Variants in OCA2 observed in about 807,000 individuals in gnomAD.
OCA2 encodes OCA2 melanosomal transmembrane protein, also known as P protein.
In OCA2, 77 loss-of-function variants were observed where a neutral mutation model predicts 100.2. The ratio of observed to expected loss-of-function variants is 0.77; its 90% CI spans 0.64 to 0.93. The LOEUF (loss-of-function observed/expected upper bound fraction) is 0.93. OCA2 is among the 40% of genes least tolerant of loss of function. The pLI, the probability that OCA2 is intolerant of heterozygous loss-of-function variation, is 0.00. For synonymous variants in OCA2, 432 were observed against 439.2 expected, an observed-to-expected ratio of 0.98 and a Z score of 0.21; for missense variants, 1,062 against 1,089.1, an observed-to-expected ratio of 0.98 and a Z score of 0.35.
chr15:27,811,072 A>G (rs908195445), intron 23 of OCA2, among the ~76,000 whole-genome samples: 3 of 152,178 alleles, frequency 2.0e-5, no homozygotes, highest in Non-Finnish European at 4.4e-5. Context: ...CCGTACATGC[A>G]TGTTTATGGC....
intron 1 of OCA2, among the ~76,000 whole-genome samples, chr15:28,088,256 G>A (rs1382781546): frequency 1.3e-5 from 2 of 152,190 alleles, no homozygotes; most frequent in Non-Finnish European, 2.9e-5. Context: ...TCTGTTGAAT[G>A]TTTGAAGCAA....
intron 2 of OCA2, among the ~76,000 whole-genome samples, chr15:28,060,736 C>T (rs1028386202): frequency 4.6e-5 from 7 of 152,226 alleles, no homozygotes; most frequent in African/African-American, 1.4e-4. Flanking sequence ...TATCCCTTTA[C>T]CCAGTTCTGT....
At chr15:27,864,935 A>T (rs1195561982) in intron 21 of OCA2, among the ~76,000 whole-genome samples, 1 of 151,734 alleles carries the variant, frequency 6.6e-6, no homozygotes, top group Non-Finnish European at 1.5e-5. Context: ...GCCCACCAAG[A>T]GGGCAAGAGG....
chr15:27,742,596 C>T, the OCA2 span, among the ~76,000 whole-genome samples: 1 of 152,208 alleles, frequency 6.6e-6, no homozygotes, highest in South Asian at 2.1e-4. Context: ...TTAAAGCTTT[C>T]TGCACACTGT....
chr15:28,069,521 T>A (rs1336016132), intron 2 of OCA2, among the ~76,000 whole-genome samples: 1 of 135,420 alleles, frequency 7.4e-6, no homozygotes, highest in Non-Finnish European at 1.6e-5. Flanking sequence ...TGCCTGATTC[T>A]CCTGCCTCAG....
intron 21 of OCA2, among the ~76,000 whole-genome samples, chr15:27,866,735 G>A (rs1373270394): frequency 6.6e-6 from 1 of 152,222 alleles, no homozygotes; most frequent in Non-Finnish European, 1.5e-5. Flanking sequence ...AAGCATCGAG[G>A]AGAAAGCGCT....
intron 19 of OCA2, among the ~76,000 whole-genome samples, chr15:27,908,473 G>A (rs534985562): frequency 6.6e-6 from 1 of 152,288 alleles, no homozygotes; most frequent in East Asian, 1.9e-4. Context: ...TTTCCACTAT[G>A]TCAGTGTGTC....
intron 22 of OCA2, among the ~76,000 whole-genome samples, chr15:27,848,017 A>C (rs2035600559): frequency 2.0e-5 from 3 of 152,178 alleles, no homozygotes; most frequent in Admixed American, 2.0e-4. Flanking sequence ...GCATCTCCTC[A>C]CCACGCATCC....
intron 2 of OCA2, among the ~76,000 whole-genome samples, chr15:28,034,556 G>A (rs2042994103): frequency 1.3e-5 from 2 of 152,120 alleles, no homozygotes; most frequent in Admixed American, 6.5e-5. Context: ...CAAGTGGATT[G>A]CTTGAGCCTA....
At chr15:28,094,214 A>G (rs1485341560) in intron 1 of OCA2, among the ~76,000 whole-genome samples, 1 of 151,652 alleles carries the variant, frequency 6.6e-6, no homozygotes, top group South Asian at 2.1e-4. Flanking sequence ...ACCCCAACAC[A>G]CTAGCACACA....
At chr15:27,996,699 C>T (rs2041738945) in intron 9 of OCA2, among the ~76,000 whole-genome samples, 1 of 151,674 alleles carries the variant, frequency 6.6e-6, no homozygotes, top group Non-Finnish European at 1.5e-5. Flanking sequence ...CTAGAAGAAA[C>T]TGGTAAATTC....
intron 14 of OCA2, among the ~76,000 whole-genome samples, chr15:27,973,390 T>C (rs569490155): frequency 6.6e-6 from 1 of 152,336 alleles, no homozygotes; most frequent in East Asian, 1.9e-4. Context: ...GTTTCATTCT[T>C]CTACATGTGG....
At chr15:27,876,362 T>A (rs1246761657) in intron 19 of OCA2, among the ~76,000 whole-genome samples, 3 of 152,184 alleles carry the variant, frequency 2.0e-5, no homozygotes, top group African/African-American at 7.2e-5. Flanking sequence ...TGATTTGATA[T>A]CTTGTTTGGA....
intron 19 of OCA2, among the ~76,000 whole-genome samples, chr15:27,912,790 AT>A (rs1210659041): frequency 6.6e-6 from 1 of 152,322 alleles, no homozygotes; most frequent in Admixed American, 6.5e-5. Context: ...ATCTCAAAGT[AT>A]TTCCCCACAA....
At chr15:27,798,363 C>T (rs893505435) in intron 23 of OCA2, among the ~76,000 whole-genome samples, 1 of 152,034 alleles carries the variant, frequency 6.6e-6, no homozygotes, top group African/African-American at 2.4e-5. Flanking sequence ...CAAATTCTAC[C>T]GTAGGAGAGG....
intron 23 of OCA2, among the ~76,000 whole-genome samples, chr15:27,757,569 C>G (rs569371141): frequency 1.8e-4 from 28 of 152,372 alleles, no homozygotes; most frequent in African/African-American, 6.7e-4. Flanking sequence ...TACCACAATA[C>G]ACTAGCTTAG....
intron 14 of OCA2, among the ~76,000 whole-genome samples, chr15:27,980,308 T>C (rs1464801369): frequency 2.0e-5 from 3 of 151,886 alleles, no homozygotes; most frequent in East Asian, 3.9e-4. Flanking sequence ...TTTGTATTTT[T>C]AGTAGAGACG....
chr15:27,858,055 A>G, intron 21 of OCA2, among the ~76,000 whole-genome samples: 1 of 152,344 alleles, frequency 6.6e-6, no homozygotes, highest in South Asian at 2.1e-4. Context: ...AAACTGAGAA[A>G]CAAAAAATCT....
At chr15:27,794,384 G>A (rs1327888264) in intron 23 of OCA2, among the ~76,000 whole-genome samples, 2 of 152,070 alleles carry the variant, frequency 1.3e-5, no homozygotes, top group Non-Finnish European at 2.9e-5. Flanking sequence ...ACGGGCCGTG[G>A]AACTGGAAAT....
Sources: allele counts gnomAD v4.1 joint callset (sites outside exome capture counted in the v4.1 genomes callset), GRCh38; gene constraint gnomAD v4.1.1; transcripts MANE v1.5; gene names NCBI Gene and HGNC (gene_info 2026-07-23, HGNC 2026-07-21).